CEP41: variants seen among roughly 807,000 people sequenced by gnomAD.
CEP41 encodes centrosomal protein of 41 kDa.
A neutral mutation model predicts 44.3 loss-of-function variants in CEP41; 32 were observed. That is an observed-to-expected ratio of 0.72 (90% CI 0.54 to 0.97). CEP41 has a LOEUF of 0.97. Among genes scored for constraint, CEP41 ranks in the 50% least tolerant of loss-of-function variants. The pLI is 0.00. For missense variants in CEP41, 432 were observed against 455.2 expected (o/e 0.95, Z 0.46); for synonymous variants, 151 against 168.5 (o/e 0.90, Z 0.80).
At chr7:130,419,569 A>G (rs1354965431) in intron 2 of CEP41, 1 of 984,254 alleles carries the variant, frequency 1.0e-6, no homozygotes, top group African/African-American at 1.7e-5. Context: ...CTATCCAAGA[A>G]CCAATTTTTT....
chr7:130,417,744 A>G (rs1797378417), intron 2 of CEP41, among the ~76,000 whole-genome samples: 1 of 152,234 alleles, frequency 6.6e-6, no homozygotes, highest in South Asian at 2.1e-4. Context: ...ATTTGATTCA[A>G]TTCAACGCAG....
rs139382796 is a variant in CEP41 at position 130,416,547 on chromosome 7, C to T, written c.145+372G>A. Reference sequence around the variant, plus strand: ...AATGTTCTGAAGGAAGATATTATTACCCCCTATCTCAAATAGAGACAAAAT... The same window carrying T: ...AATGTTCTGAAGGAAGATATTATTATCCCCTATCTCAAATAGAGACAAAAT... On this transcript the variant is annotated intron_variant, in intron 3 of 10. Coordinates refer to ENST00000223208, the MANE Select transcript of CEP41 (RefSeq NM_018718.3). Among the ~76,000 whole-genome samples the T allele has an allele frequency of 7.7e-4, 117 of 152,288 alleles. 1 individual carries two copies. In the East Asian group the frequency reaches 0.022, roughly 29 times the overall value.
intron 1 of CEP41, among the ~76,000 whole-genome samples, chr7:130,429,256 G>T (rs552124447): frequency 6.6e-6 from 1 of 152,184 alleles, no homozygotes; most frequent in African/African-American, 2.4e-5. Flanking sequence ...CAGGGATGTC[G>T]ACCATGGCAT....
intron 1 of CEP41, among the ~76,000 whole-genome samples, chr7:130,434,190 G>A (rs1307621433): frequency 6.6e-6 from 1 of 152,168 alleles, no homozygotes; most frequent in East Asian, 1.9e-4. Flanking sequence ...ACATGGTAAT[G>A]CTGCTAACAT....
In CEP41 at chr7:130,394,832, A is replaced by T. The variant is rs1406076892; in HGVS notation, c.*4059T>A. On this transcript the variant is annotated 3_prime_UTR_variant, in exon 11 of 11. Transcript: ENST00000223208. The stretch of plus-strand genomic sequence containing the variant: ...CACTCTCTGGGAGCTTATAGTCAAA[A>T]TAATTGCAACAGGAAGACATATTGA... 2.2e-6 allele frequency: 1 copy of T among 454,136 alleles called. No individual in the cohort carries two copies. The highest frequency in any genetic ancestry group is 4.4e-6 in the Non-Finnish European group (1 of 226,790). 28.1% of individuals were successfully genotyped at this position (454,136 alleles called of 1,614,324 possible).
intron 8 of CEP41, among the ~76,000 whole-genome samples, chr7:130,401,605 A>C (rs782483038): frequency 4.6e-5 from 7 of 152,222 alleles, no homozygotes; most frequent in Non-Finnish European, 8.8e-5. Flanking sequence ...CTGCTATGGA[A>C]AGTTTTCTGG....
intron 1 of CEP41, among the ~76,000 whole-genome samples, chr7:130,435,883 A>G (rs1554426035): frequency 6.6e-6 from 1 of 152,234 alleles, no homozygotes. Flanking sequence ...GGCCAGGCAC[A>G]GTAGCTCACG....
rs782305944 is a variant in CEP41 at position 130,440,889 on chromosome 7, G to A, written c.33+45C>T. ...TCCCTGCCCACATGAGCCTTTTCCG[G>A]TGCGCCCGCCCCCTCCGGCTCTCCG... On this transcript the variant is annotated intron_variant, in intron 1 of 10. Transcript: ENST00000223208. The A allele has an allele frequency of 4.4e-6, 7 of 1,602,232 alleles. No homozygotes were observed. The South Asian group carries it at 7.7e-5, about 18-fold the overall frequency.
chr7:130,422,237 T>C lies in CEP41; in HGVS notation c.98-5271A>G, dbSNP rs139273892. ...ATTTCTTGTGATTACTCTGAATTGC[T>C]TGCTGTTTGGTAAGAAAAGATGAAA... On this transcript the variant is annotated intron_variant, in intron 2 of 10. Transcript: ENST00000223208. 2.0e-3 allele frequency among the ~76,000 whole-genome samples: 300 copies of C among 152,340 alleles called. 6 individuals are homozygous for C. The Middle Eastern group carries it at 0.048, about 24-fold the overall frequency.
chr7:130,409,529 T>C (rs1554418937), intron 5 of CEP41, among the ~76,000 whole-genome samples: 1 of 152,190 alleles, frequency 6.6e-6, no homozygotes. Context: ...ATTCTCTTTA[T>C]CCTCCCTAAC....
intron 1 of CEP41, among the ~76,000 whole-genome samples, chr7:130,438,401 C>A (rs6957606): frequency 0.52 from 78,180 of 151,710 alleles, 20,340 homozygotes; most frequent in African/African-American, 0.58. Context: ...TTTACAAAAT[C>A]CACAAAAACC....
Position 130,428,932 on chromosome 7 carries a change from A to C in CEP41, c.34-914T>G, listed in dbSNP as rs185028935. Among the ~76,000 whole-genome samples the C allele has an allele frequency of 7.0e-4, 107 of 151,996 alleles. 1 individual carries two copies. The highest frequency in any genetic ancestry group is 7.5e-4 in the Non-Finnish European group (51 of 67,960). ...TCTCAAAAAAATAAATAAATAAATA[A>C]ATAAATAAATAAATAATTTCTTACA... is the stretch of plus-strand genomic sequence containing the variant. On this transcript the variant is annotated intron_variant, in intron 1 of 10. Coordinates refer to ENST00000223208, the MANE Select transcript of CEP41 (RefSeq NM_018718.3).
chr7:130,397,388 C>G lies in CEP41; in HGVS notation c.*1503G>C, dbSNP rs1193343306. 4.4e-6 allele frequency: 2 copies of G among 453,216 alleles called. No individual in the cohort carries two copies. The highest frequency in any genetic ancestry group is 8.8e-6 in the Non-Finnish European group (2 of 225,990). The allele number at this position is 453,216 out of a possible 1,614,324, so 28.1% of individuals were successfully genotyped here. A position where few individuals can be genotyped will look rare whatever the true frequency, so the allele number is the denominator to read the frequency against. On this transcript the variant is annotated 3_prime_UTR_variant, in exon 11 of 11. Coordinates refer to ENST00000223208, the MANE Select transcript of CEP41 (RefSeq NM_018718.3). Reference sequence around the variant, plus strand: ...GAAATCAAGTAGAGAAGAATAAACACACTCTAAAACAGAACTGGGCTGAAT... The same window carrying G: ...GAAATCAAGTAGAGAAGAATAAACAGACTCTAAAACAGAACTGGGCTGAAT...
intron 1 of CEP41, among the ~76,000 whole-genome samples, chr7:130,429,723 T>G (rs994388313): frequency 3.9e-5 from 6 of 152,342 alleles, no homozygotes; most frequent in South Asian, 2.1e-4. Flanking sequence ...ATGTATGTCC[T>G]CTGTAAAGCT....
intron 1 of CEP41, among the ~76,000 whole-genome samples, chr7:130,434,970 C>T (rs562838353): frequency 1.3e-5 from 2 of 151,970 alleles, no homozygotes; most frequent in Non-Finnish European, 2.9e-5. Flanking sequence ...TGTGATACAA[C>T]CACACCAAAT....
intron 2 of CEP41, chr7:130,417,480 A>T (rs1797371645): frequency 5.9e-6 from 2 of 341,360 alleles, no homozygotes; most frequent in Admixed American, 1.1e-4. Context: ...CTCACGTTGC[A>T]GTCTGAACTA....
At chr7:130,429,490 C>A (rs1244042985) in intron 1 of CEP41, among the ~76,000 whole-genome samples, 1 of 152,136 alleles carries the variant, frequency 6.6e-6, no homozygotes, top group Non-Finnish European at 1.5e-5. Context: ...TTGCTCAGGC[C>A]TTTTTCTGGC....
chr7:130,396,821 T>C lies in CEP41; in HGVS notation c.*2070A>G, dbSNP rs1486745248. Reference sequence around the variant, plus strand: ...CAACCTGCCAGATCTCTCAGGTGAGTGCACACCAATTCTAACAGGTCTGGC... The same window carrying C: ...CAACCTGCCAGATCTCTCAGGTGAGCGCACACCAATTCTAACAGGTCTGGC... On this transcript the variant is annotated 3_prime_UTR_variant, in exon 11 of 11. Transcript: ENST00000223208. 6.6e-6 allele frequency: 3 copies of C among 452,236 alleles called. No individual in the cohort carries two copies. The highest frequency in any genetic ancestry group is 6.0e-5 in the African/African-American group (3 of 49,920). 28.0% of individuals were successfully genotyped at this position (452,236 alleles called of 1,614,324 possible).
chr7:130,404,484 A>G (rs782620301), intron 6 of CEP41, 80 bp downstream of exon 6: 2 of 1,215,492 alleles, frequency 1.6e-6, no homozygotes, highest in Non-Finnish European at 2.4e-6. Context: ...TAAGGCAAGA[A>G]AAAAAAAAGA....
Sources: allele counts gnomAD v4.1 joint callset (sites outside exome capture counted in the v4.1 genomes callset), GRCh38; gene constraint gnomAD v4.1.1; transcripts MANE v1.5; gene names NCBI Gene and HGNC (gene_info 2026-07-23, HGNC 2026-07-21).